GNL1: variants seen among roughly 807,000 people sequenced by gnomAD.
GNL1 encodes guanine nucleotide-binding protein-like 1.
In GNL1, 21 loss-of-function variants were observed where a neutral mutation model predicts 75.2. The ratio of observed to expected loss-of-function variants is 0.28; its 90% CI spans 0.20 to 0.40. The LOEUF is 0.40. Ranked by LOEUF, GNL1 falls within the 10% of genes least tolerant of loss-of-function variation. The pLI is 1.00. For synonymous variants in GNL1, 287 were observed against 303.4 expected (o/e 0.95, Z 0.56); for missense variants, 579 against 775.0 (o/e 0.75, Z 3.00).
At position 30,554,895 on chromosome 6, in the gene GNL1, G is replaced by A. The variant is rs564356965; in HGVS notation, c.397C>T (p.Pro133Ser). 1 of 1,612,920 alleles carries A rather than the reference G, an allele frequency of 6.2e-7. No homozygotes were observed. Among genetic ancestry groups the A allele is most frequent in the South Asian group, 1.1e-5 (1 of 91,078 alleles). Reference sequence around the variant, plus strand: ...TTGGACATCTCATAGCTCCAAGGAGGACGTCGAGGAAAGTCCAGAACTGGG... The same window carrying A: ...TTGGACATCTCATAGCTCCAAGGAGAACGTCGAGGAAAGTCCAGAACTGGG... ...PGSVLDFPRR[P>S]PWSYEMSKEQ... The change falls in exon 4 of 12, where the codon CCT (proline) becomes TCT (serine). Residue 133 changes from proline (P) to serine (S), a missense_variant. By Grantham distance (74) the Pro-to-Ser change is moderately conservative. Transcript: ENST00000376621.
In GNL1 at chr6:30,556,180, G is replaced by T; in HGVS notation, c.24C>A (p.Ser8Arg). ...GCAACTGCTTCTTCTTCTGCTTCAC[G>T]CTGAATGGCTTCTTCCTCGGCATGG... MPRKKPF[S>R]VKQKKKQLQD... The change falls in exon 1 of 12, where the codon AGC (serine) becomes AGA (arginine). Residue 8 changes from serine (S) to arginine (R), a missense_variant. Coordinates refer to ENST00000376621, the MANE Select transcript of GNL1 (RefSeq NM_005275.5). The surrounding 1 kb of genome is among the most constrained non-coding windows in gnomAD (Gnocchi z 5.7). 6.2e-7 allele frequency: 1 copy of T among 1,605,416 alleles called. No individual in the cohort carries two copies.
rs971640946 is a variant in GNL1, at chr6:30,555,937, C to T, written c.73+194G>A. Reference sequence around the variant, plus strand: ...CCCCGTGCTAGCTGGAGGGATTCCCCTCCCCCAACTCTCCATCCTTCCCCA... The same window carrying T: ...CCCCGTGCTAGCTGGAGGGATTCCCTTCCCCCAACTCTCCATCCTTCCCCA... On this transcript the variant is annotated intron_variant, in intron 1 of 11. Transcript: ENST00000376621. The surrounding 1 kb of genome is among the most constrained non-coding windows in gnomAD (Gnocchi z 4.3). The T allele has an allele frequency of 1.3e-5, 11 of 816,416 alleles. No homozygotes were observed. The highest frequency in any genetic ancestry group is 1.2e-4 in the African/African-American group (7 of 58,806). 50.6% of individuals were successfully genotyped at this position (816,416 alleles called of 1,614,324 possible). A position where few individuals can be genotyped will look rare whatever the true frequency, so the allele number is the denominator to read the frequency against.
Position 30,545,319 on chromosome 6 carries a change from C to T in GNL1, c.*753G>A. On this transcript the variant is annotated 3_prime_UTR_variant, in exon 12 of 12. Transcript: ENST00000376621. ...AAACTACTCGTACACATTTAATCAA[C>T]ATTTTCACAAGCGTTTTGCCTTAAC... The T allele has an allele frequency of 6.6e-6, 1 of 152,228 alleles. No homozygotes were observed. 9.4% of individuals were successfully genotyped at this position (152,228 alleles called of 1,614,324 possible).
Position 30,555,545 on chromosome 6 carries a change from C to A in GNL1, c.239+10G>T. The A allele has an allele frequency of 6.2e-7, 1 of 1,610,696 alleles. No individual in the cohort carries two copies. Among genetic ancestry groups the A allele is most frequent in the Non-Finnish European group, 8.5e-7 (1 of 1,177,750 alleles). Reference sequence around the variant, plus strand: ...GGAAAGCCGGGACCAGCGCCCCCTCCCACCCTCACCGATTTGGGTCGTAGC... The same window carrying A: ...GGAAAGCCGGGACCAGCGCCCCCTCACACCCTCACCGATTTGGGTCGTAGC... On this transcript the variant is annotated intron_variant, in intron 2 of 11. Coordinates refer to ENST00000376621, the MANE Select transcript of GNL1 (RefSeq NM_005275.5). This position sits in a 1 kb window ranked among gnomAD's most constrained non-coding sequence, Gnocchi z 4.3.
rs1370185000 is a variant in GNL1, at chr6:30,552,784, A to ATT, written c.905-124_905-123insAA. 11 of 834,630 alleles carry ATT rather than the reference A, an allele frequency of 1.3e-5. No homozygotes were observed. The East Asian group carries it at 2.9e-4, about 22-fold the overall frequency. The allele number at this position is 834,630 out of a possible 1,614,324, so 51.7% of individuals were successfully genotyped here. A position where few individuals can be genotyped will look rare whatever the true frequency, so the allele number is the denominator to read the frequency against. The stretch of plus-strand genomic sequence containing the variant: ...CTGGAGTTGTACAGTGCCAACCTAA[A>ATT]TAAGAGCAGGTCAGAGAATCTCCCA... On this transcript the variant is annotated intron_variant, in intron 7 of 11. Coordinates refer to ENST00000376621, the MANE Select transcript of GNL1 (RefSeq NM_005275.5). The surrounding 1 kb of genome is among the most constrained non-coding windows in gnomAD (Gnocchi z 4.5).
chr6:30,543,394 G>A lies in GNL1; in HGVS notation c.*2678C>T, dbSNP rs1473023472. The A allele has an allele frequency of 6.6e-6, 1 of 151,912 alleles. No individual in the cohort carries two copies. Among genetic ancestry groups the A allele is most frequent in the Non-Finnish European group, 1.5e-5 (1 of 68,012 alleles). The allele number at this position is 151,912 out of a possible 1,614,324, so 9.4% of individuals were successfully genotyped here. A position where few individuals can be genotyped will look rare whatever the true frequency, so the allele number is the denominator to read the frequency against. On this transcript the variant is annotated 3_prime_UTR_variant, in exon 12 of 12. Transcript: ENST00000376621. ...TTCCATTCTCCAATAAATTGTGAGC[G>A]CCACAAAGAACCATTTCTATCTCAC...
rs1434916491 is a variant in GNL1 at position 30,548,559 on chromosome 6, C to A, written c.1100-1029G>T. On this transcript the variant is annotated intron_variant, in intron 8 of 11. Coordinates refer to ENST00000376621, the MANE Select transcript of GNL1 (RefSeq NM_005275.5). The surrounding 1 kb of genome is among the most constrained non-coding windows in gnomAD (Gnocchi z 4.2). ...TCTTACTTGACTCAGATTTCATGAT[C>A]CAGCTCCTCAGCCAGGCCCGTTCAC... Among the ~76,000 whole-genome samples the A allele has an allele frequency of 6.6e-6, 1 of 152,170 alleles. No individual in the cohort carries two copies. Among genetic ancestry groups the A allele is most frequent in the Non-Finnish European group, 1.5e-5 (1 of 68,044 alleles).
At chr6:30,551,490 A>G (rs576076892) in intron 8 of GNL1, among the ~76,000 whole-genome samples, 1 of 152,248 alleles carries the variant, frequency 6.6e-6, no homozygotes, top group South Asian at 2.1e-4. Flanking sequence ...CAGATACCAT[A>G]ACTTGTCCAA....
rs768596668 is a variant in GNL1 at position 30,555,707 on chromosome 6, C to T, written c.87G>A (p.Gly29=). 3.1e-6 allele frequency: 5 copies of T among 1,613,412 alleles called. No homozygotes were observed. The Admixed American group carries it at 8.3e-5, about 27-fold the overall frequency. The part of the protein sequence containing the change: ...KRERKRGLQD[G]LRSSSNSRSG... ...TGCGGCTGTTGGAACTGGAGCGCAG[C>T]CCATCTTGAAGCCCTGCGGGGAGGG... The change falls in exon 2 of 12, where the codon GGG becomes GGA. Residue 29 remains glycine (G), a synonymous_variant. Coordinates refer to ENST00000376621, the MANE Select transcript of GNL1 (RefSeq NM_005275.5). This position sits in a 1 kb window ranked among gnomAD's most constrained non-coding sequence, Gnocchi z 4.3.
In GNL1 at chr6:30,545,541, A is replaced by C. The variant is rs1297320445; in HGVS notation, c.*531T>G. The stretch of plus-strand genomic sequence containing the variant: ...TGGTGCTCAGCACAGGTCAAGACAC[A>C]CAATAGACCCTCAATAAATATTTGC... On this transcript the variant is annotated 3_prime_UTR_variant, in exon 12 of 12. Coordinates refer to ENST00000376621, the MANE Select transcript of GNL1 (RefSeq NM_005275.5). 6.3e-6 allele frequency: 1 copy of C among 159,658 alleles called. No individual in the cohort carries two copies. The highest frequency in any genetic ancestry group is 1.4e-5 in the Non-Finnish European group (1 of 73,340). The allele number at this position is 159,658 out of a possible 1,614,324, so 9.9% of individuals were successfully genotyped here. A position where few individuals can be genotyped will look rare whatever the true frequency, so the allele number is the denominator to read the frequency against.
chr6:30,551,613 T>C (rs1799782693), intron 8 of GNL1, among the ~76,000 whole-genome samples: 1 of 152,140 alleles, frequency 6.6e-6, no homozygotes, highest in Non-Finnish European at 1.5e-5. Flanking sequence ...AGATTCTCCT[T>C]GGCAACAAAC....
At position 30,552,981 on chromosome 6, in the gene GNL1, T is replaced by C; in HGVS notation, c.904+103A>G. On this transcript the variant is annotated intron_variant, in intron 7 of 11. Coordinates refer to ENST00000376621, the MANE Select transcript of GNL1 (RefSeq NM_005275.5). This position sits in a 1 kb window ranked among gnomAD's most constrained non-coding sequence, Gnocchi z 4.5. ...GTCCCTTCCCCTGGCCTCTTGCACA[T>C]ATCCACCATAGAGGGGTTGGCTTCA... The C allele has an allele frequency of 3.7e-6, 3 of 812,576 alleles. No homozygotes were observed. Among genetic ancestry groups the C allele is most frequent in the South Asian group, 1.6e-5 (1 of 62,786 alleles). 50.3% of individuals were successfully genotyped at this position (812,576 alleles called of 1,614,324 possible).
Position 30,555,887 on chromosome 6 carries a change from C to T in GNL1, c.74-167G>A. ...CCGGATGTGCGTGGGGGGAGTCACT[C>T]CTTCAGGGAGCAGTGGGGACGGCGC... On this transcript the variant is annotated intron_variant, in intron 1 of 11. Coordinates refer to ENST00000376621, the MANE Select transcript of GNL1 (RefSeq NM_005275.5). The surrounding 1 kb of genome is among the most constrained non-coding windows in gnomAD (Gnocchi z 4.3). 1 of 826,958 alleles carries T rather than the reference C, an allele frequency of 1.2e-6. No homozygotes were observed. Among genetic ancestry groups the T allele is most frequent in the Non-Finnish European group, 1.9e-6 (1 of 528,880 alleles). The allele number at this position is 826,958 out of a possible 1,614,324, so 51.2% of individuals were successfully genotyped here.
rs1352117592 is a variant in GNL1 at position 30,548,752 on chromosome 6, T to A, written c.1100-1222A>T. ...ACTCTTTACAACACATGCAAGTATC[T>A]AGGAGGAAGGGAGGGAAGGAGGGAG... On this transcript the variant is annotated intron_variant, in intron 8 of 11. Transcript: ENST00000376621. The surrounding 1 kb of genome is among the most constrained non-coding windows in gnomAD (Gnocchi z 4.2). Among the ~76,000 whole-genome samples the A allele has an allele frequency of 6.6e-6, 1 of 152,018 alleles. No homozygotes were observed. The highest frequency in any genetic ancestry group is 1.5e-5 in the Non-Finnish European group (1 of 67,990).
intron 3 of GNL1, 41 bp from the exon 4 acceptor site, chr6:30,554,956 A>G (rs529584281): frequency 4.3e-5 from 69 of 1,611,052 alleles, no homozygotes; most frequent in Non-Finnish European, 5.8e-5. Flanking sequence ...GGAAATCTTC[A>G]GGATTCAAGA....
At position 30,556,034 on chromosome 6, in the gene GNL1, C is replaced by CCCCCTCCCACGAT; in HGVS notation, c.73+84_73+96dup. 6.9e-7 allele frequency: 1 copy of CCCCCTCCCACGAT among 1,457,694 alleles called. No individual in the cohort carries two copies. Among genetic ancestry groups the CCCCCTCCCACGAT allele is most frequent in the South Asian group, 1.2e-5 (1 of 86,950 alleles). 90.3% of individuals were successfully genotyped at this position (1,457,694 alleles called of 1,614,324 possible). A position where few individuals can be genotyped will look rare whatever the true frequency, so the allele number is the denominator to read the frequency against. The stretch of plus-strand genomic sequence containing the variant: ...CGCGAGGGTTGACGCGGTCCCACGA[C>CCCCCTCCCACGAT]CCCCTCCCACGATCCCCAGAGGTGC... On this transcript the variant is annotated intron_variant, in intron 1 of 11. Coordinates refer to ENST00000376621, the MANE Select transcript of GNL1 (RefSeq NM_005275.5). This position sits in a 1 kb window ranked among gnomAD's most constrained non-coding sequence, Gnocchi z 5.7.
At position 30,545,917 on chromosome 6, in the gene GNL1, T is replaced by A; in HGVS notation, c.*155A>T. 1.6e-6 allele frequency: 1 copy of A among 621,502 alleles called. No homozygotes were observed. Among genetic ancestry groups the A allele is most frequent in the South Asian group, 2.0e-5 (1 of 50,334 alleles). 38.5% of individuals were successfully genotyped at this position (621,502 alleles called of 1,614,324 possible). ...AGAGGAGAGAAGCCTCCCACAGCTG[T>A]TAGCCTGGAACAGCCGCTCTCACCT... On this transcript the variant is annotated 3_prime_UTR_variant, in exon 12 of 12. Coordinates refer to ENST00000376621, the MANE Select transcript of GNL1 (RefSeq NM_005275.5).
intron 8 of GNL1, among the ~76,000 whole-genome samples, chr6:30,549,847 G>A (rs1239402901): frequency 3.3e-5 from 4 of 122,228 alleles, no homozygotes; most frequent in African/African-American, 9.9e-5. Flanking sequence ...TTTTTTTGAC[G>A]AAGTCTTGCT....
intron 4 of GNL1, 38 bp from the exon 5 acceptor site, chr6:30,554,684 A>T (rs1800020402): frequency 1.3e-6 from 2 of 1,590,970 alleles, no homozygotes; most frequent in Non-Finnish European, 1.7e-6. Flanking sequence ...CTGAAAACAG[A>T]GTCCCTCTCC....
Sources: allele counts gnomAD v4.1 joint callset (sites outside exome capture counted in the v4.1 genomes callset), GRCh38; gene constraint gnomAD v4.1.1; non-coding constraint Gnocchi (gnomAD v3.1); transcripts MANE v1.5; gene names NCBI Gene and HGNC (gene_info 2026-07-23, HGNC 2026-07-21).